The following PCDHGB6 variants were observed in gnomAD, a reference collection of about 807,000 sequenced individuals.
The protein encoded by PCDHGB6 is protocadherin gamma subfamily B, 6.
A neutral mutation model predicts 59.1 loss-of-function variants in PCDHGB6; 51 were observed. The ratio of observed to expected loss-of-function variants is 0.86; its 90% CI spans 0.69 to 1.09. The LOEUF (loss-of-function observed/expected upper bound fraction) is 1.09, where lower values mean the gene tolerates loss of function less well. Ranked by LOEUF, PCDHGB6 falls within the 50% of genes least tolerant of loss-of-function variation. The probability of loss-of-function intolerance (pLI) is 0.00; values close to 1 mark genes in which losing one functional copy is unlikely to be tolerated. For synonymous variants in PCDHGB6, 466 were observed against 495.1 expected (o/e 0.94, Z 0.78); for missense variants, 1,148 against 1,205.1 (o/e 0.95, Z 0.70).
At chr5:141,466,765 G>A (rs1199343616) in intron 1 of PCDHGB6, among the ~76,000 whole-genome samples, 1 of 151,996 alleles carries the variant, frequency 6.6e-6, no homozygotes, top group African/African-American at 2.4e-5. Context: ...TTTTCAAACT[G>A]TTATCTTATT....
chr5:141,444,902 G>A (rs1442325957), intron 1 of PCDHGB6, among the ~76,000 whole-genome samples: 1 of 152,160 alleles, frequency 6.6e-6, no homozygotes, highest in Non-Finnish European at 1.5e-5. Context: ...GGATGGCATT[G>A]CATCTATACC....
chr5:141,413,446 G>A, intron 1 of PCDHGB6: 1 of 1,614,130 alleles, frequency 6.2e-7, no homozygotes. Context: ...CTTGATCACC[G>A]CGGGCAGGAT....
At chr5:141,464,580 G>A (rs1459502164) in intron 1 of PCDHGB6, among the ~76,000 whole-genome samples, 1 of 152,118 alleles carries the variant, frequency 6.6e-6, no homozygotes, top group East Asian at 1.9e-4. Context: ...AGATGAGAAT[G>A]TCCATTGTCC....
At chr5:141,464,618 C>G (rs1425657373) in intron 1 of PCDHGB6, among the ~76,000 whole-genome samples, 2 of 152,092 alleles carry the variant, frequency 1.3e-5, no homozygotes, top group Non-Finnish European at 2.9e-5. Context: ...AGTATATTGT[C>G]AAGCTTTTTA....
Position 141,489,216 on chromosome 5 carries a change from C to G in PCDHGB6, c.2419-5591C>G. The G allele has an allele frequency of 6.7e-7, 1 of 1,486,698 alleles. No individual in the cohort carries two copies. Among genetic ancestry groups the G allele is most frequent in the Non-Finnish European group, 9.1e-7 (1 of 1,103,260 alleles). 92.1% of individuals were successfully genotyped at this position (1,486,698 alleles called of 1,614,324 possible). ...TTGGAGACAGGACAGCACAGACTTA[C>G]TCTCCACAAAGGGACTTCTGGGTCA... On this transcript the variant is annotated intron_variant, in intron 1 of 3. Transcript: ENST00000520790. This position sits in a 1 kb window ranked among gnomAD's most constrained non-coding sequence, Gnocchi z 4.5.
At chr5:141,453,959 C>A (rs919037104) in intron 1 of PCDHGB6, among the ~76,000 whole-genome samples, 1 of 152,182 alleles carries the variant, frequency 6.6e-6, no homozygotes, top group African/African-American at 2.4e-5. Flanking sequence ...GCACAGACAG[C>A]AAAGCATGTA....
At position 141,493,512 on chromosome 5, in the gene PCDHGB6, C is replaced by A. The variant is rs1327850681; in HGVS notation, c.2419-1295C>A. The stretch of plus-strand genomic sequence containing the variant: ...CTGTGGCTCCTCATTTCTGAGCAGT[C>A]CCCGCAGCGCAAACTTGGCCAGTTA... On this transcript the variant is annotated intron_variant, in intron 1 of 3. Transcript: ENST00000520790. The surrounding 1 kb of genome is among the most constrained non-coding windows in gnomAD (Gnocchi z 4.3). Among the ~76,000 whole-genome samples the A allele has an allele frequency of 1.3e-5, 2 of 152,148 alleles. No individual in the cohort carries two copies. Among genetic ancestry groups the A allele is most frequent in the South Asian group, 4.1e-4 (2 of 4,824 alleles).
intron 1 of PCDHGB6, chr5:141,478,144 G>A (rs2099432883): frequency 6.2e-7 from 1 of 1,613,918 alleles, no homozygotes; most frequent in Non-Finnish European, 8.5e-7. Flanking sequence ...CCCGAGCCGA[G>A]TTCCCCTCTG....
intron 2 of PCDHGB6, among the ~76,000 whole-genome samples, chr5:141,498,944 A>G (rs1249475504): frequency 7.2e-6 from 1 of 139,096 alleles, no homozygotes; most frequent in Non-Finnish European, 1.6e-5. Flanking sequence ...AAAGAAAGAA[A>G]GAAAAAGAGA....
intron 1 of PCDHGB6, chr5:141,413,463 G>A: frequency 6.2e-7 from 1 of 1,614,128 alleles, no homozygotes; most frequent in African/African-American, 1.3e-5. Flanking sequence ...GGATAGACCG[G>A]GAGGAGCTCT....
rs71576115 is a variant in PCDHGB6, at chr5:141,463,438, CTTTT to C, written c.2419-31344_2419-31341del. Among the ~76,000 whole-genome samples, 12 of 103,242 alleles carry C rather than the reference CTTTT, an allele frequency of 1.2e-4. No homozygotes were observed. In the South Asian group the frequency reaches 1.6e-3, roughly 14 times the overall value. 67.7% of individuals were successfully genotyped at this position (103,242 alleles called of 152,430 possible). ...GTTTGCGGATCCTCATTTCCTTCTCCTTTTTTTTTTTTTTTTTTTTTTTTTTTTG... is the reference window on the plus strand; with the variant it reads ...GTTTGCGGATCCTCATTTCCTTCTCCTTTTTTTTTTTTTTTTTTTTTTTTG... On this transcript the variant is annotated intron_variant, in intron 1 of 3. Coordinates refer to ENST00000520790, the MANE Select transcript of PCDHGB6 (RefSeq NM_018926.3).
intron 1 of PCDHGB6, chr5:141,415,403 A>C (rs757508926): frequency 4.3e-6 from 7 of 1,614,082 alleles, no homozygotes; most frequent in Non-Finnish European, 4.2e-6. Context: ...TCCGGCTCGC[A>C]CTTTGTGGGC....
chr5:141,408,055 C>CCGG lies in PCDHGB6; in HGVS notation c.-146_-144dup. On this transcript the variant is annotated 5_prime_UTR_variant, in exon 1 of 4. Transcript: ENST00000520790. ...AAAACCAGCTCCCACACAGAGCCTC[C>CCGG]CGGCTGCGCAGACCTTTCCCAGCAC... is the stretch of plus-strand genomic sequence containing the variant. 1 of 1,299,130 alleles carries CCGG rather than the reference C, an allele frequency of 7.7e-7. No homozygotes were observed. Among genetic ancestry groups the CCGG allele is most frequent in the South Asian group, 1.6e-5 (1 of 63,126 alleles). 80.5% of individuals were successfully genotyped at this position (1,299,130 alleles called of 1,614,324 possible). A position where few individuals can be genotyped will look rare whatever the true frequency, so the allele number is the denominator to read the frequency against.
chr5:141,481,934 AAT>A (rs1245984926), intron 1 of PCDHGB6, among the ~76,000 whole-genome samples: 5 of 147,494 alleles, frequency 3.4e-5, no homozygotes, highest in Admixed American at 3.4e-4. Flanking sequence ...AAAAAAAAAA[AAT>A]CAGCCAGATG....
chr5:141,508,077 G>T (rs1166570509), intron 3 of PCDHGB6: 1 of 152,446 alleles, frequency 6.6e-6, no homozygotes, highest in Non-Finnish European at 1.5e-5. Context: ...GGCTACTCTG[G>T]AGTTGCTGCC....
intron 1 of PCDHGB6, among the ~76,000 whole-genome samples, chr5:141,450,726 A>G (rs1302961852): frequency 2.0e-5 from 3 of 151,932 alleles, no homozygotes; most frequent in Admixed American, 2.0e-4. Flanking sequence ...ACCTCAGGTG[A>G]TCCGCCCGCC....
chr5:141,494,784 C>T, intron 1 of PCDHGB6, 23 bp from the exon 2 acceptor site: 1 of 1,614,110 alleles, frequency 6.2e-7, no homozygotes, highest in Non-Finnish European at 8.5e-7. Flanking sequence ...TACTCAGCCC[C>T]TTTCCCTCTG....
chr5:141,450,678 G>C (rs1038323301), intron 1 of PCDHGB6, among the ~76,000 whole-genome samples: 1 of 151,854 alleles, frequency 6.6e-6, no homozygotes, highest in Non-Finnish European at 1.5e-5. Context: ...GTAGAAACGG[G>C]GTTTTGCCAT....
intron 2 of PCDHGB6, among the ~76,000 whole-genome samples, chr5:141,501,984 G>A (rs989251578): frequency 2.0e-5 from 3 of 152,042 alleles, no homozygotes; most frequent in African/African-American, 4.8e-5. Context: ...ATCTGGTCCC[G>A]TTGTCTCCCT....
Sources: allele counts gnomAD v4.1 joint callset (sites outside exome capture counted in the v4.1 genomes callset), GRCh38; gene constraint gnomAD v4.1.1; non-coding constraint Gnocchi (gnomAD v3.1); transcripts MANE v1.5; gene names NCBI Gene and HGNC (gene_info 2026-07-23, HGNC 2026-07-21).